SPATA6: variants seen among roughly 807,000 people sequenced by gnomAD.
SPATA6 encodes the protein spermatogenesis associated 6, also known as spermatogenesis-associated protein 6.
In SPATA6, 56 loss-of-function variants were observed where a neutral mutation model predicts 65.3. The observed-to-expected ratio is 0.86, with a 90% CI of 0.69 to 1.07. The LOEUF (loss-of-function observed/expected upper bound fraction) is 1.07, where lower values mean the gene tolerates loss of function less well. Ranked by LOEUF, SPATA6 falls within the 50% of genes least tolerant of loss-of-function variation. The pLI is 0.00. For synonymous variants in SPATA6, 199 were observed against 213.2 expected (o/e 0.93, Z 0.58); for missense variants, 590 against 594.8 (o/e 0.99, Z 0.08).
chr1:48,266,769 T>C, the SPATA6 span, among the ~76,000 whole-genome samples: 1 of 152,180 alleles, frequency 6.6e-6, no homozygotes. Flanking sequence ...ACTGTTTTTG[T>C]TTAAGATTAT....
intron 3 of SPATA6, among the ~76,000 whole-genome samples, chr1:48,444,464 A>G (rs1226150841): frequency 6.6e-6 from 1 of 152,134 alleles, no homozygotes. Flanking sequence ...TAAATGCACC[A>G]ATCGGCACTC....
chr1:48,407,360 C>T (rs1469948007), intron 5 of SPATA6, among the ~76,000 whole-genome samples: 1 of 152,134 alleles, frequency 6.6e-6, no homozygotes, highest in South Asian at 2.1e-4. Flanking sequence ...ACCTTACTCC[C>T]AGGACCTTCC....
chr1:48,422,224 A>T (rs1173852682), intron 3 of SPATA6, among the ~76,000 whole-genome samples: 2 of 152,230 alleles, frequency 1.3e-5, no homozygotes, highest in Non-Finnish European at 2.9e-5. Context: ...GAAAATCTGG[A>T]CAAATTATTT....
chr1:48,472,062 G>A lies in SPATA6; in HGVS notation c.-54C>T, dbSNP rs1658310125. On this transcript the variant is annotated 5_prime_UTR_variant, in exon 1 of 13. Transcript: ENST00000371847. ...CCCCGGCCACGGGCCCGAGTGAGGCGGGGAGACCTGGGGCTGGGCGGGGAC... is the reference window on the plus strand; with the variant it reads ...CCCCGGCCACGGGCCCGAGTGAGGCAGGGAGACCTGGGGCTGGGCGGGGAC... 1.5e-6 allele frequency: 2 copies of A among 1,360,730 alleles called. No homozygotes were observed. 84.3% of individuals were successfully genotyped at this position (1,360,730 alleles called of 1,614,324 possible). A position where few individuals can be genotyped will look rare whatever the true frequency, so the allele number is the denominator to read the frequency against.
chr1:48,306,755 G>A (rs1424495698), intron 11 of SPATA6, among the ~76,000 whole-genome samples: 1 of 151,852 alleles, frequency 6.6e-6, no homozygotes, highest in Non-Finnish European at 1.5e-5. Context: ...ATTTGCTGAT[G>A]GCATGAAACT....
chr1:48,355,454 G>A (rs1646631311), intron 11 of SPATA6: 1 of 411,004 alleles, frequency 2.4e-6, no homozygotes, highest in South Asian at 5.3e-5. Flanking sequence ...ATTGTTTATA[G>A]TTAAGATGGT....
chr1:48,321,203 G>A (rs933063520), intron 11 of SPATA6, among the ~76,000 whole-genome samples: 4 of 151,978 alleles, frequency 2.6e-5, no homozygotes, highest in African/African-American at 4.8e-5. Context: ...AGACTTCTCC[G>A]CTCAAAAGAA....
intron 3 of SPATA6, among the ~76,000 whole-genome samples, chr1:48,430,026 G>A (rs945421731): frequency 1.8e-4 from 28 of 152,086 alleles, no homozygotes; most frequent in African/African-American, 6.8e-4. Flanking sequence ...TGGACACACT[G>A]GGGAAATCCA....
At chr1:48,448,462 A>G (rs1570611859) in intron 3 of SPATA6, among the ~76,000 whole-genome samples, 1 of 151,636 alleles carries the variant, frequency 6.6e-6, no homozygotes, top group African/African-American at 2.4e-5. Flanking sequence ...GCAGGCACAC[A>G]ACAAACAAGT....
chr1:48,463,354 G>C (rs1016504331), intron 1 of SPATA6, among the ~76,000 whole-genome samples: 6 of 152,110 alleles, frequency 3.9e-5, no homozygotes, highest in Non-Finnish European at 8.8e-5. Flanking sequence ...GTATAGGTAG[G>C]GGGGAGAGTA....
intron 5 of SPATA6, among the ~76,000 whole-genome samples, chr1:48,407,162 T>G (rs1651786877): frequency 6.6e-6 from 1 of 152,192 alleles, no homozygotes; most frequent in African/African-American, 2.4e-5. Context: ...GGTCATCCAG[T>G]GAACCCATAG....
intron 3 of SPATA6, among the ~76,000 whole-genome samples, chr1:48,451,201 G>A (rs1656536905): frequency 1.3e-5 from 2 of 152,114 alleles, no homozygotes; most frequent in South Asian, 2.1e-4. Flanking sequence ...CACTGAAGTA[G>A]AAGACATATT....
chr1:48,295,025 A>AT (rs1644792202), downstream of SPATA6, among the ~76,000 whole-genome samples: 1 of 152,194 alleles, frequency 6.6e-6, no homozygotes, highest in Admixed American at 6.5e-5. Context: ...TTAAAGATAC[A>AT]TTTTTATATA....
intron 5 of SPATA6, among the ~76,000 whole-genome samples, chr1:48,407,711 T>TTCA (rs1363702631): frequency 2.0e-5 from 3 of 152,220 alleles, no homozygotes; most frequent in Non-Finnish European, 2.9e-5. Context: ...GTATCCTGAA[T>TTCA]TCATTGTTTG....
intron 12 of SPATA6, among the ~76,000 whole-genome samples, chr1:48,302,503 C>A (rs1428157311): frequency 1.3e-5 from 2 of 152,296 alleles, no homozygotes; most frequent in South Asian, 2.1e-4. Flanking sequence ...CAGGGGCTAC[C>A]CCGGAGTTAA....
chr1:48,427,464 A>G (rs983115441), intron 3 of SPATA6, among the ~76,000 whole-genome samples: 1 of 151,414 alleles, frequency 6.6e-6, no homozygotes, highest in Non-Finnish European at 1.5e-5. Flanking sequence ...AATGAATACT[A>G]CAAACTATCG....
At chr1:48,339,108 C>G (rs3820444) in intron 11 of SPATA6, among the ~76,000 whole-genome samples, 11,678 of 151,784 alleles carry the variant, frequency 0.077, 609 homozygotes, top group East Asian at 0.23. Context: ...AGCCTAAAAC[C>G]TTTGTTAACA....
chr1:48,385,605 CTT>C (rs1174644914), intron 8 of SPATA6, among the ~76,000 whole-genome samples: 3 of 152,080 alleles, frequency 2.0e-5, no homozygotes, highest in Non-Finnish European at 4.4e-5. Flanking sequence ...AAAGGAGTAA[CTT>C]TTAGTCGATA....
intron 9 of SPATA6, among the ~76,000 whole-genome samples, chr1:48,367,555 CTTCT>C (rs900899052): frequency 3.9e-5 from 6 of 152,198 alleles, no homozygotes; most frequent in Middle Eastern, 3.4e-3. Context: ...ATGTAATGGC[CTTCT>C]TTGTCTCTTT....
Sources: allele counts gnomAD v4.1 joint callset (sites outside exome capture counted in the v4.1 genomes callset), GRCh38; gene constraint gnomAD v4.1.1; transcripts MANE v1.5; gene names NCBI Gene and HGNC (gene_info 2026-07-23, HGNC 2026-07-21).